The following TTC28 variants were observed in gnomAD, a reference collection of about 807,000 sequenced individuals.
The protein encoded by TTC28 is tetratricopeptide repeat domain 28, also known as tetratricopeptide repeat protein 28.
TTC28 carries 61 observed loss-of-function variants against 198.0 expected under a neutral mutation model. The ratio of observed to expected loss-of-function variants is 0.31; its 90% CI spans 0.25 to 0.38. The LOEUF (loss-of-function observed/expected upper bound fraction) is 0.38, where lower values mean the gene tolerates loss of function less well. TTC28 is among the 10% of genes least tolerant of loss of function. The pLI is 1.00. For synonymous variants in TTC28, 1,171 were observed against 1,297.8 expected (o/e 0.90, Z 2.10); for missense variants, 2,678 against 3,164.0 (o/e 0.85, Z 3.69).
chr22:28,254,679 C>G (rs899625677), intron 5 of TTC28, among the ~76,000 whole-genome samples: 1 of 152,074 alleles, frequency 6.6e-6, no homozygotes, highest in Non-Finnish European at 1.5e-5. Context: ...TCAGATATAA[C>G]AGCATGTTAA....
chr22:28,167,434 C>T (rs1335718529), intron 5 of TTC28, among the ~76,000 whole-genome samples: 1 of 152,200 alleles, frequency 6.6e-6, no homozygotes, highest in Non-Finnish European at 1.5e-5. Flanking sequence ...AAAATACTGG[C>T]AAACCGAATC....
intron 5 of TTC28, among the ~76,000 whole-genome samples, chr22:28,266,179 C>CAAAAAAAAAAAA (rs3885490): frequency 8.7e-6 from 1 of 115,340 alleles, no homozygotes. Context: ...GACTCTGTCT[C>CAAAAAAAAAAAA]AAAAAAAAAA....
intron 5 of TTC28, among the ~76,000 whole-genome samples, chr22:28,213,903 A>ACT: frequency 6.6e-6 from 1 of 152,332 alleles, no homozygotes; most frequent in Middle Eastern, 3.4e-3. Context: ...CAGTAATCAA[A>ACT]ACAGCACGAT....
At chr22:28,512,094 CA>C (rs58981075) in intron 2 of TTC28, among the ~76,000 whole-genome samples, 10 of 142,516 alleles carry the variant, frequency 7.0e-5, no homozygotes, top group East Asian at 4.0e-4. Flanking sequence ...ACTTAAATTA[CA>C]AAAAAAAAAC....
chr22:28,109,064 T>C (rs963263980), intron 6 of TTC28, among the ~76,000 whole-genome samples: 4 of 152,224 alleles, frequency 2.6e-5, no homozygotes, highest in Non-Finnish European at 5.9e-5. Context: ...ACGGCGCTCC[T>C]ACTCTGACCC....
At chr22:28,192,809 G>A (rs1924960252) in intron 5 of TTC28, among the ~76,000 whole-genome samples, 1 of 152,190 alleles carries the variant, frequency 6.6e-6, no homozygotes, top group Admixed American at 6.5e-5. Context: ...CCAAATCTAC[G>A]TCTGATTGGT....
At chr22:28,473,187 A>G (rs1297570064) in intron 2 of TTC28, among the ~76,000 whole-genome samples, 2 of 152,230 alleles carry the variant, frequency 1.3e-5, no homozygotes. Flanking sequence ...TAATAAAGTC[A>G]ACTAACTTAG....
chr22:28,324,718 T>C (rs1337944463), intron 2 of TTC28, among the ~76,000 whole-genome samples: 2 of 152,196 alleles, frequency 1.3e-5, no homozygotes, highest in African/African-American at 4.8e-5. Flanking sequence ...GTCAATAAAC[T>C]AGGTACTGAT....
intron 2 of TTC28, among the ~76,000 whole-genome samples, chr22:28,628,749 G>C (rs1375464099): frequency 1.3e-5 from 2 of 151,994 alleles, no homozygotes; most frequent in Non-Finnish European, 2.9e-5. Flanking sequence ...AGACCAGCCT[G>C]GGCAACATGG....
chr22:28,030,495 T>C (rs1475171312), intron 12 of TTC28, 129 bp from the exon 13 acceptor site: 3 of 1,134,324 alleles, frequency 2.6e-6, no homozygotes, highest in Non-Finnish European at 3.7e-6. Context: ...GATGACAGCA[T>C]CACCCCACTC....
intron 2 of TTC28, among the ~76,000 whole-genome samples, chr22:28,332,692 T>C (rs1167232363): frequency 1.3e-5 from 2 of 152,120 alleles, no homozygotes; most frequent in Admixed American, 6.6e-5. Context: ...TTGTAAAACA[T>C]ACTTTATATC....
chr22:28,364,186 T>C (rs1176953240), intron 2 of TTC28, among the ~76,000 whole-genome samples: 2 of 152,210 alleles, frequency 1.3e-5, no homozygotes, highest in African/African-American at 2.4e-5. Flanking sequence ...TGGGCAAGTC[T>C]TTCCTGTGCT....
intron 5 of TTC28, among the ~76,000 whole-genome samples, chr22:28,165,707 C>T (rs1368175208): frequency 2.6e-5 from 4 of 152,124 alleles, no homozygotes; most frequent in Non-Finnish European, 5.9e-5. Flanking sequence ...ACAACTGGTA[C>T]CAGCCACTGC....
chr22:28,086,276 C>T (rs1388141720), intron 12 of TTC28, among the ~76,000 whole-genome samples: 1 of 152,130 alleles, frequency 6.6e-6, no homozygotes, highest in Non-Finnish European at 1.5e-5. Context: ...AAGCTCTCCT[C>T]AGCAAATGTA....
At chr22:28,611,495 CTTTTTTTTAAT>C (rs1569058939) in intron 2 of TTC28, among the ~76,000 whole-genome samples, 1 of 126,692 alleles carries the variant, frequency 7.9e-6, no homozygotes, top group Admixed American at 7.8e-5. Flanking sequence ...AAATAAAAGC[CTTTTTTTTAAT>C]TTTTTTTTTT....
chr22:28,101,782 TAA>T (rs11459818), intron 8 of TTC28, among the ~76,000 whole-genome samples: 21,120 of 51,308 alleles, frequency 0.41, 2,720 homozygotes, highest in African/African-American at 0.45. Context: ...CCATCTCTGT[TAA>T]AAAAAAAAAA....
intron 2 of TTC28, among the ~76,000 whole-genome samples, chr22:28,544,613 TAGG>T (rs1260770875): frequency 1.3e-5 from 2 of 151,922 alleles, no homozygotes; most frequent in African/African-American, 4.8e-5. Context: ...CAGGATGAGA[TAGG>T]AGGTCAGCAC....
At chr22:28,516,724 C>T (rs961807337) in intron 2 of TTC28, among the ~76,000 whole-genome samples, 7 of 151,702 alleles carry the variant, frequency 4.6e-5, no homozygotes, top group Admixed American at 1.3e-4. Flanking sequence ...CAAACCTGCA[C>T]GTTGTGCACA....
chr22:28,239,228 C>T (rs1006799223), intron 5 of TTC28, among the ~76,000 whole-genome samples: 65 of 152,128 alleles, frequency 4.3e-4, no homozygotes, highest in African/African-American at 9.2e-4. Flanking sequence ...TTCTGTTCAA[C>T]GGAACTCTGC....
Sources: gnomAD v4.1 joint callset for allele counts (sites outside exome capture counted in the v4.1 genomes callset) on GRCh38, gnomAD v4.1.1 for gene constraint, MANE v1.5 for transcripts, NCBI Gene and HGNC (gene_info 2026-07-23, HGNC 2026-07-21) for gene names.